Variants in CDH12 observed in about 807,000 individuals in gnomAD.
CDH12 encodes the protein cadherin 12.
In CDH12, 41 loss-of-function variants were observed where a neutral mutation model predicts 74.1. The observed-to-expected ratio is 0.55, with a 90% CI of 0.43 to 0.72. The LOEUF (loss-of-function observed/expected upper bound fraction) is 0.72, where lower values mean the gene tolerates loss of function less well. Ranked by LOEUF, CDH12 falls within the 30% of genes least tolerant of loss-of-function variation. CDH12 has a pLI of 0.00. For missense variants in CDH12, 945 were observed against 977.2 expected, an observed-to-expected ratio of 0.97 and a Z score of 0.44; for synonymous variants, 399 against 355.0, an observed-to-expected ratio of 1.12 and a Z score of -1.39.
At chr5:22,314,412 G>A (rs1738524186) in intron 3 of CDH12, among the ~76,000 whole-genome samples, 2 of 152,200 alleles carry the variant, frequency 1.3e-5, no homozygotes. Context: ...TATTAGAAGC[G>A]GAAGAGACAT....
chr5:22,308,823 C>T (rs1026764016), intron 3 of CDH12, among the ~76,000 whole-genome samples: 21 of 150,350 alleles, frequency 1.4e-4, no homozygotes, highest in Middle Eastern at 3.2e-3. Flanking sequence ...CACACACACA[C>T]ACACACACAC....
chr5:22,633,205 T>G (rs1205289033), intron 1 of CDH12, among the ~76,000 whole-genome samples: 2 of 152,156 alleles, frequency 1.3e-5, no homozygotes, highest in East Asian at 3.8e-4. Context: ...TGGGAGTCAT[T>G]CAATTTTAAA....
At chr5:21,925,590 T>A (rs1754549428) in intron 6 of CDH12, among the ~76,000 whole-genome samples, 1 of 152,234 alleles carries the variant, frequency 6.6e-6, no homozygotes, top group Non-Finnish European at 1.5e-5. Flanking sequence ...CTATCAGTTA[T>A]AAGAAGTATT....
intron 5 of CDH12, among the ~76,000 whole-genome samples, chr5:22,025,976 C>G (rs551511926): frequency 6.9e-6 from 1 of 144,828 alleles, no homozygotes; most frequent in African/African-American, 2.8e-5. Flanking sequence ...GTAGTTATTT[C>G]TTCCACTGAA....
intron 2 of CDH12, among the ~76,000 whole-genome samples, chr5:22,495,129 A>G (rs1286918224): frequency 1.3e-5 from 2 of 152,162 alleles, no homozygotes; most frequent in South Asian, 4.1e-4. Context: ...TATGCTTTCT[A>G]TCTGGTTTCA....
At chr5:21,905,491 G>T (rs1753598653) in intron 6 of CDH12, among the ~76,000 whole-genome samples, 1 of 152,166 alleles carries the variant, frequency 6.6e-6, no homozygotes, top group Admixed American at 6.5e-5. Context: ...AAATGTGAAA[G>T]CACATCTGCC....
chr5:22,852,345 C>G (rs1448704548), intron 1 of CDH12, among the ~76,000 whole-genome samples: 1 of 152,144 alleles, frequency 6.6e-6, no homozygotes, highest in Admixed American at 6.6e-5. Flanking sequence ...TGCTGAAGGT[C>G]TTTTTTGAAA....
At chr5:22,074,473 T>G (rs1742166946) in intron 5 of CDH12, among the ~76,000 whole-genome samples, 1 of 152,104 alleles carries the variant, frequency 6.6e-6, no homozygotes, top group Non-Finnish European at 1.5e-5. Context: ...GGGATCTAGT[T>G]AAACTAAAGA....
chr5:22,454,667 G>A (rs1006238429), intron 2 of CDH12, among the ~76,000 whole-genome samples: 64 of 152,032 alleles, frequency 4.2e-4, no homozygotes, highest in African/African-American at 1.5e-3. Flanking sequence ...TAGGTACGGG[G>A]TTTCACCATG....
intron 5 of CDH12, among the ~76,000 whole-genome samples, chr5:22,075,759 A>C (rs1742274525): frequency 1.3e-5 from 2 of 152,178 alleles, no homozygotes; most frequent in South Asian, 2.1e-4. Context: ...GCTGGGGAGA[A>C]GTCAGTTCTC....
chr5:22,347,824 C>T (rs139052513), intron 3 of CDH12, among the ~76,000 whole-genome samples: 178 of 152,200 alleles, frequency 1.2e-3, no homozygotes, highest in African/African-American at 4.3e-3. Flanking sequence ...TTTGAAACAT[C>T]CAGTGTGATG....
At chr5:22,201,379 T>C (rs1750916656) in intron 4 of CDH12, among the ~76,000 whole-genome samples, 1 of 152,088 alleles carries the variant, frequency 6.6e-6, no homozygotes, top group Non-Finnish European at 1.5e-5. Context: ...TGTGGCAACA[T>C]GGATAGAACT....
In CDH12 at chr5:21,867,401, T is replaced by A. The variant is rs140422100; in HGVS notation, c.527-12611A>T. Among the ~76,000 whole-genome samples the A allele has an allele frequency of 5.9e-5, 9 of 152,282 alleles. No individual in the cohort carries two copies. In the East Asian group the frequency reaches 1.7e-3, roughly 29 times the overall value. On this transcript the variant is annotated intron_variant, in intron 6 of 14. Transcript: ENST00000382254. ...GAATTAAGGCTTGGGAACCTCTGCC[T>A]AGATTTCAGAAAATGTATGGAAATG...
chr5:22,717,221 G>A (rs570012573), intron 1 of CDH12, among the ~76,000 whole-genome samples: 63 of 152,190 alleles, frequency 4.1e-4, no homozygotes, highest in Non-Finnish European at 6.8e-4. Flanking sequence ...TCCATTCATG[G>A]TATATGCCCT....
chr5:22,392,482 A>T (rs1039055899), intron 3 of CDH12, among the ~76,000 whole-genome samples: 1 of 152,220 alleles, frequency 6.6e-6, no homozygotes, highest in African/African-American at 2.4e-5. Context: ...TAAAATGAAG[A>T]TAAGTTTTTG....
chr5:22,705,160 C>CACACAT (rs1742933517), intron 1 of CDH12, among the ~76,000 whole-genome samples: 1 of 149,070 alleles, frequency 6.7e-6, no homozygotes, highest in African/African-American at 2.5e-5. Flanking sequence ...CACACACACA[C>CACACAT]ACAGTGTAGA....
chr5:21,884,609 G>C (rs925091441), intron 6 of CDH12, among the ~76,000 whole-genome samples: 5 of 152,138 alleles, frequency 3.3e-5, no homozygotes, highest in Non-Finnish European at 5.9e-5. Context: ...AAATCACTGA[G>C]GCATTTTTAC....
At chr5:22,187,492 A>G (rs1433794693) in intron 4 of CDH12, among the ~76,000 whole-genome samples, 1 of 150,990 alleles carries the variant, frequency 6.6e-6, no homozygotes, top group Non-Finnish European at 1.5e-5. Flanking sequence ...GATTCCCTTT[A>G]AACTGGTGAA....
intron 2 of CDH12, among the ~76,000 whole-genome samples, chr5:22,458,393 C>T (rs749987685): frequency 4.7e-4 from 72 of 152,118 alleles, no homozygotes; most frequent in Non-Finnish European, 8.7e-4. Context: ...CTGCAAACAC[C>T]CTATTTCCCA....
Sources: allele counts gnomAD v4.1 joint callset (sites outside exome capture counted in the v4.1 genomes callset), GRCh38; gene constraint gnomAD v4.1.1; transcripts MANE v1.5; gene names NCBI Gene and HGNC (gene_info 2026-07-23, HGNC 2026-07-21).